The following MRPS18B variants were observed in gnomAD, a reference collection of about 807,000 sequenced individuals.
MRPS18B encodes the protein small ribosomal subunit protein mS40.
Under a neutral mutation model 28.4 loss-of-function variants are expected in MRPS18B, and 27 were observed. The observed-to-expected ratio is 0.95, with a 90% CI of 0.70 to 1.31. The LOEUF (loss-of-function observed/expected upper bound fraction) is 1.31, where lower values mean the gene tolerates loss of function less well. Ranked by LOEUF, MRPS18B falls within the 40% of genes most tolerant of loss-of-function variation. MRPS18B has a pLI of 0.00. For synonymous variants in MRPS18B, 118 were observed against 123.7 expected, an observed-to-expected ratio of 0.95 and a Z score of 0.30; for missense variants, 343 against 335.9, an observed-to-expected ratio of 1.02 and a Z score of -0.17.
chr6:30,624,643 C>T (rs1225446579), intron 5 of MRPS18B, among the ~76,000 whole-genome samples: 1 of 152,158 alleles, frequency 6.6e-6, no homozygotes, highest in Non-Finnish European at 1.5e-5. Flanking sequence ...GAGGTTTTAC[C>T]ATTAAATGGC....
chr6:30,625,824 G>C lies in MRPS18B; in HGVS notation c.*27G>C, dbSNP rs780379042. ...AGCTGTAGACTGGGAAGAGAGGCCAGGCGTGGTGGCTCACTCCTGTAATCC... is the reference window on the plus strand; with the variant it reads ...AGCTGTAGACTGGGAAGAGAGGCCACGCGTGGTGGCTCACTCCTGTAATCC... On this transcript the variant is annotated 3_prime_UTR_variant, in exon 7 of 7. Transcript: ENST00000259873. 6.3e-6 allele frequency: 10 copies of C among 1,580,868 alleles called. No individual in the cohort carries two copies. In the Admixed American group the frequency reaches 6.9e-5, roughly 11 times the overall value.
rs771783544 is a variant in MRPS18B, at chr6:30,625,504, C to G, written c.484C>G (p.Leu162Val). 16 of 1,551,408 alleles carry G rather than the reference C, an allele frequency of 1.0e-5. No homozygotes were observed. The Admixed American group carries it at 1.7e-4, about 17-fold the overall frequency. Reference sequence around the variant, plus strand: ...TCTTTTCTTTTTTAATCCCTTAGGTCTCCTCATTTACCACATCCCCCAGGT... The same window carrying G: ...TCTTTTCTTTTTTAATCCCTTAGGTGTCCTCATTTACCACATCCCCCAGGT... ...QAIQKARDHG[L>V]LIYHIPQVEP... Residue 162 changes from leucine to valine, a missense_variant and splice_region_variant, in exon 7 of 7, where the codon CTC becomes GTC. Transcript: ENST00000259873.
intron 1 of MRPS18B, among the ~76,000 whole-genome samples, chr6:30,619,111 T>G (rs557575490): frequency 7.2e-5 from 11 of 152,272 alleles, no homozygotes; most frequent in African/African-American, 2.4e-4. Flanking sequence ...AGAGATAAGG[T>G]TTCACCATGT....
In MRPS18B at chr6:30,619,999, G is replaced by C; in HGVS notation, c.354+10G>C. On this transcript the variant is annotated intron_variant, in intron 4 of 6. Coordinates refer to ENST00000259873, the MANE Select transcript of MRPS18B (RefSeq NM_014046.4). ...GCATGTTGACTTTAGGGTAAGGAGA[G>C]TCTTTTCTTTTTAGGGTAAGAAAAA... The C allele has an allele frequency of 6.2e-7, 1 of 1,613,136 alleles. No individual in the cohort carries two copies. The highest frequency in any genetic ancestry group is 8.5e-7 in the Non-Finnish European group (1 of 1,179,118).
At chr6:30,620,090 G>A in intron 4 of MRPS18B, 101 bp downstream of exon 4, 1 of 1,097,768 alleles carries the variant, frequency 9.1e-7, no homozygotes. Context: ...GGCCAAGGCA[G>A]GTGGATCATG....
intron 1 of MRPS18B, 110 bp from the exon 2 acceptor site, chr6:30,619,383 T>C (rs754296773): frequency 3.7e-6 from 3 of 810,038 alleles, no homozygotes; most frequent in African/African-American, 1.7e-5. Context: ...ATTCCTGTTA[T>C]ATTCCATTAA....
intron 5 of MRPS18B, among the ~76,000 whole-genome samples, chr6:30,624,673 C>T (rs1761373268): frequency 6.6e-6 from 1 of 152,056 alleles, no homozygotes. Flanking sequence ...GTGGCTAGAC[C>T]CTCCTAAATC....
rs1761483132 is a variant in MRPS18B at position 30,625,521 on chromosome 6, C to T, written c.501C>T (p.Ile167=). The change falls in exon 7 of 7, where the codon ATC becomes ATT. Residue 167 remains isoleucine, a synonymous_variant. Transcript: ENST00000259873. ...ARDHGLLIYH[I]PQVEPRDLDF... ...CCTTAGGTCTCCTCATTTACCACAT[C>T]CCCCAGGTTGAACCACGGGACCTTG... 51 of 1,568,850 alleles carry T rather than the reference C, an allele frequency of 3.3e-5. No individual in the cohort carries two copies. Among genetic ancestry groups the T allele is most frequent in the Non-Finnish European group, 4.0e-5 (46 of 1,151,000 alleles).
chr6:30,621,788 A>G (rs1459675995), intron 4 of MRPS18B, among the ~76,000 whole-genome samples: 1 of 152,110 alleles, frequency 6.6e-6, no homozygotes, highest in Non-Finnish European at 1.5e-5. Context: ...TACTAAAAAT[A>G]CAAAAAAAAT....
intron 1 of MRPS18B, among the ~76,000 whole-genome samples, chr6:30,618,259 C>T (rs1470117225): frequency 6.6e-5 from 10 of 152,104 alleles, no homozygotes; most frequent in African/African-American, 2.4e-4. Flanking sequence ...ATTAAGGGGC[C>T]ATGCTAATCT....
At chr6:30,619,853 A>C in intron 3 of MRPS18B, 47 bp downstream of exon 3, 2 of 1,609,726 alleles carry the variant, frequency 1.2e-6, no homozygotes, top group Non-Finnish European at 1.7e-6. Context: ...GCCACAAGTA[A>C]CAGTAACAGC....
Position 30,619,915 on chromosome 6 carries a change from C to T in MRPS18B, c.286-6C>T, listed in dbSNP as rs375406273. 1.2e-6 allele frequency: 2 copies of T among 1,613,938 alleles called. No individual in the cohort carries two copies. Among genetic ancestry groups the T allele is most frequent in the African/African-American group, 2.7e-5 (2 of 74,900 alleles). ...TCCTTAACTGCTGTTTTTTTTCTCT[C>T]TACAGCGTCGGAATAAAGTTGTTGG... On this transcript the variant is annotated splice_region_variant and splice_polypyrimidine_tract_variant and intron_variant, in intron 3 of 6. Transcript: ENST00000259873.
chr6:30,619,664 A>C lies in MRPS18B; in HGVS notation c.188-45A>C, dbSNP rs780381028. The stretch of plus-strand genomic sequence containing the variant: ...TTGAGATAAGTGGACAGAGCCACCC[A>C]CTACACTCCCACCCAGGAATAACTT... On this transcript the variant is annotated intron_variant, in intron 2 of 6. Transcript: ENST00000259873. The C allele has an allele frequency of 5.0e-6, 8 of 1,609,878 alleles. No homozygotes were observed. In the Admixed American group the frequency reaches 1.3e-4, roughly 27 times the overall value.
At chr6:30,623,726 T>G (rs948317543) in intron 5 of MRPS18B, among the ~76,000 whole-genome samples, 1 of 152,088 alleles carries the variant, frequency 6.6e-6, no homozygotes. Flanking sequence ...ACAGAAAAAT[T>G]TTGCTAACCC....
At position 30,625,585 on chromosome 6, in the gene MRPS18B, C is replaced by A; in HGVS notation, c.565C>A (p.Pro189Thr). The change falls in exon 7 of 7, where the codon CCA (proline) becomes ACA (threonine). Residue 189 changes from proline (P) to threonine (T), a missense_variant. Coordinates refer to ENST00000259873, the MANE Select transcript of MRPS18B (RefSeq NM_014046.4). ...TSHGAVSATP[P>T]APTLVSGDPW... is the part of the protein sequence containing the mutation. ...TCATGGGGCTGTGAGTGCTACTCCGCCAGCCCCCACCCTGGTCTCAGGTGA... is the reference window on the plus strand; with the variant it reads ...TCATGGGGCTGTGAGTGCTACTCCGACAGCCCCCACCCTGGTCTCAGGTGA... 1 of 1,611,010 alleles carries A rather than the reference C, an allele frequency of 6.2e-7. No individual in the cohort carries two copies. The highest frequency in any genetic ancestry group is 8.5e-7 in the Non-Finnish European group (1 of 1,178,294).
intron 1 of MRPS18B, 131 bp from the exon 2 acceptor site, chr6:30,619,362 C>G: frequency 1.5e-6 from 1 of 671,512 alleles, no homozygotes; most frequent in East Asian, 2.7e-5. Flanking sequence ...AAATACTTAA[C>G]TTACATATGC....
chr6:30,623,678 G>T (rs1761307806), intron 5 of MRPS18B, among the ~76,000 whole-genome samples: 1 of 152,118 alleles, frequency 6.6e-6, no homozygotes, highest in Admixed American at 6.5e-5. Flanking sequence ...GAGACCACAG[G>T]ACCTGCAGAG....
chr6:30,618,955 G>T (rs1478569632), intron 1 of MRPS18B, among the ~76,000 whole-genome samples: 1 of 151,536 alleles, frequency 6.6e-6, no homozygotes, highest in African/African-American at 2.4e-5. Flanking sequence ...ATCTCACTCT[G>T]TTGCCAGGTT....
Position 30,625,751 on chromosome 6 carries a change from C to T in MRPS18B, c.731C>T (p.Ala244Val), listed in dbSNP as rs148828689. 1,181 of 1,612,938 alleles carry T rather than the reference C, an allele frequency of 7.3e-4. 5 individuals carry two copies. The highest frequency in any genetic ancestry group is 5.8e-3 in the Middle Eastern group (35 of 6,058). Residue 244 changes from alanine to valine, a missense_variant, in exon 7 of 7, where the codon GCG becomes GTG. Coordinates refer to ENST00000259873, the MANE Select transcript of MRPS18B (RefSeq NM_014046.4). ...SMPKMPPRTPAEASSTGQTGP... is the reference protein window; with the variant it reads ...SMPKMPPRTPVEASSTGQTGP... The stretch of plus-strand genomic sequence containing the variant: ...CCCAAGATGCCCCCTAGAACACCAG[C>T]GGAAGCCTCCTCCACTGGGCAGACA...
Sources: allele counts gnomAD v4.1 joint callset (sites outside exome capture counted in the v4.1 genomes callset), GRCh38; gene constraint gnomAD v4.1.1; transcripts MANE v1.5; gene names NCBI Gene and HGNC (gene_info 2026-07-23, HGNC 2026-07-21).